OPA1: variants seen among roughly 807,000 people sequenced by gnomAD.
OPA1 encodes dynamin-like GTPase OPA1, mitochondrial.
In OPA1, 59 loss-of-function variants were observed where a neutral mutation model predicts 152.9. The ratio of observed to expected loss-of-function variants is 0.39; its 90% CI spans 0.31 to 0.48. The LOEUF (loss-of-function observed/expected upper bound fraction) is 0.48. OPA1 is among the 20% of genes least tolerant of loss of function. OPA1 has a pLI of 0.96. For synonymous variants in OPA1, 400 were observed against 389.9 expected, an observed-to-expected ratio of 1.03 and a Z score of -0.31; for missense variants, 1,008 against 1,216.8, an observed-to-expected ratio of 0.83 and a Z score of 2.55.
At position 193,626,084 on chromosome 3, in the gene OPA1, C is replaced by A; in HGVS notation, c.679-8C>A. 1 of 1,608,376 alleles carries A rather than the reference C, an allele frequency of 6.2e-7. No individual in the cohort carries two copies. The highest frequency in any genetic ancestry group is 1.1e-5 in the South Asian group (1 of 90,988). On this transcript the variant is annotated splice_region_variant and splice_polypyrimidine_tract_variant and intron_variant, in intron 6 of 30. Transcript: ENST00000361510. ...TTTCCTCTTCTCCTCATTGTGAACTCGTGGCAGGGTCTGCTTGGTGAGCTC... is the reference window on the plus strand; with the variant it reads ...TTTCCTCTTCTCCTCATTGTGAACTAGTGGCAGGGTCTGCTTGGTGAGCTC...
chr3:193,647,224 AT>A, intron 19 of OPA1, 44 bp downstream of exon 19: 1 of 1,239,052 alleles, frequency 8.1e-7, no homozygotes, highest in East Asian at 2.4e-5. Flanking sequence ...AAGACATTTT[AT>A]TAGCTGGCAA....
In OPA1 at chr3:193,644,051, A is replaced by T. The variant is rs764645111; in HGVS notation, c.1554A>T (p.Ile518=). The T allele has an allele frequency of 6.2e-7, 1 of 1,613,908 alleles. No individual in the cohort carries two copies. The highest frequency in any genetic ancestry group is 8.5e-7 in the Non-Finnish European group (1 of 1,179,848). The change falls in exon 16 of 31, where the codon ATA becomes ATT. Residue 518 remains isoleucine (I), a synonymous_variant. Transcript: ENST00000361510. ...TGGACCCTCATGGAAGGAGAACCAT[A>T]TTCGTTTTGACCAAAGTAGACCTGG... ...SQMDPHGRRT[I]FVLTKVDLAE... is the part of the protein sequence containing the mutation.
At chr3:193,661,901 GAAGT>G (rs1434875080) in intron 25 of OPA1, among the ~76,000 whole-genome samples, 2 of 151,992 alleles carry the variant, frequency 1.3e-5, no homozygotes, top group African/African-American at 2.4e-5. Flanking sequence ...TCTTTTTTCT[GAAGT>G]ATTAGTTTTC....
At chr3:193,665,234 A>C (rs1051398002) in intron 27 of OPA1, among the ~76,000 whole-genome samples, 8 of 150,902 alleles carry the variant, frequency 5.3e-5, no homozygotes, top group Non-Finnish European at 1.0e-4. Context: ...TAAATAGTAA[A>C]AAAAAGTGTG....
At chr3:193,626,235 T>C (rs1560346013) in intron 7 of OPA1, 33 bp downstream of exon 7, 1 of 1,452,632 alleles carries the variant, frequency 6.9e-7, no homozygotes, top group Non-Finnish European at 9.7e-7. Flanking sequence ...TACCGATACA[T>C]TCACACTAAT....
intron 29 of OPA1, among the ~76,000 whole-genome samples, chr3:193,679,711 G>A (rs546823485): frequency 1.3e-5 from 2 of 152,124 alleles, no homozygotes; most frequent in East Asian, 1.9e-4. Context: ...TGTGATTTTT[G>A]ATACGTGTTA....
At chr3:193,597,279 T>A (rs979191841) in intron 1 of OPA1, among the ~76,000 whole-genome samples, 3 of 152,046 alleles carry the variant, frequency 2.0e-5, no homozygotes, top group Non-Finnish European at 4.4e-5. Context: ...TTTTCAACAA[T>A]GAGGAGGTGT....
intron 7 of OPA1, among the ~76,000 whole-genome samples, chr3:193,626,415 T>C (rs1310693931): frequency 6.6e-6 from 1 of 152,202 alleles, no homozygotes; most frequent in Non-Finnish European, 1.5e-5. Context: ...AGAGGAATTT[T>C]GGTTTCTGAA....
chr3:193,611,052 C>T (rs1728157771), intron 1 of OPA1, among the ~76,000 whole-genome samples: 1 of 152,226 alleles, frequency 6.6e-6, no homozygotes, highest in Non-Finnish European at 1.5e-5. Context: ...CCTGCACCCA[C>T]TGTCTGACAA....
chr3:193,687,286 A>G (rs866221585), intron 29 of OPA1, among the ~76,000 whole-genome samples: 33 of 152,260 alleles, frequency 2.2e-4, no homozygotes, highest in Admixed American at 5.2e-4. Flanking sequence ...TCATGACTCA[A>G]TCAAGAAGCA....
At chr3:193,675,527 C>T (rs986307821) in intron 29 of OPA1, among the ~76,000 whole-genome samples, 1 of 151,982 alleles carries the variant, frequency 6.6e-6, no homozygotes, top group Non-Finnish European at 1.5e-5. Flanking sequence ...TCTTTTTATG[C>T]ACTTCTCTCA....
intron 16 of OPA1, among the ~76,000 whole-genome samples, chr3:193,644,974 C>T (rs1044668271): frequency 1.3e-5 from 2 of 151,104 alleles, no homozygotes; most frequent in Non-Finnish European, 2.9e-5. Context: ...TGCAAATATG[C>T]ATTTTTCTGG....
Position 193,626,085 on chromosome 3 carries a change from G to C in OPA1, c.679-7G>C, listed in dbSNP as rs373326620. The C allele has an allele frequency of 7.5e-6, 12 of 1,609,570 alleles. No homozygotes were observed. The highest frequency in any genetic ancestry group is 1.0e-5 in the Non-Finnish European group (12 of 1,176,134). On this transcript the variant is annotated splice_region_variant and splice_polypyrimidine_tract_variant and intron_variant, in intron 6 of 30. Coordinates refer to ENST00000361510, the MANE Select transcript of OPA1 (RefSeq NM_130837.3). Reference sequence around the variant, plus strand: ...TTCCTCTTCTCCTCATTGTGAACTCGTGGCAGGGTCTGCTTGGTGAGCTCA... The same window carrying C: ...TTCCTCTTCTCCTCATTGTGAACTCCTGGCAGGGTCTGCTTGGTGAGCTCA...
chr3:193,659,185 C>T (rs1237393531), intron 24 of OPA1, among the ~76,000 whole-genome samples, 190 bp downstream of exon 24: 1 of 152,134 alleles, frequency 6.6e-6, no homozygotes, highest in Admixed American at 6.5e-5. Flanking sequence ...ATAAAATGGA[C>T]ACATGATGCT....
intron 29 of OPA1, among the ~76,000 whole-genome samples, chr3:193,689,565 G>C (rs1721394534): frequency 6.6e-6 from 1 of 152,042 alleles, no homozygotes; most frequent in African/African-American, 2.4e-5. Context: ...GACCTTACAG[G>C]GTGAGACACC....
intron 1 of OPA1, among the ~76,000 whole-genome samples, chr3:193,595,729 G>A (rs1046764655): frequency 1.3e-5 from 2 of 152,010 alleles, no homozygotes; most frequent in African/African-American, 4.8e-5. Context: ...GGCACACTCA[G>A]TGGGCCTTTC....
intron 11 of OPA1, among the ~76,000 whole-genome samples, chr3:193,641,501 T>C (rs1733778670): frequency 6.6e-6 from 1 of 152,142 alleles, no homozygotes; most frequent in African/African-American, 2.4e-5. Flanking sequence ...TCATTTTTCT[T>C]TGGGATTGTG....
intron 1 of OPA1, among the ~76,000 whole-genome samples, chr3:193,594,692 T>G (rs1725234338): frequency 6.6e-6 from 1 of 152,170 alleles, no homozygotes; most frequent in South Asian, 2.1e-4. Context: ...CCGGCCCAAT[T>G]TGTTTTATAT....
chr3:193,628,158 A>G (rs1208951472), intron 7 of OPA1, among the ~76,000 whole-genome samples: 1 of 152,126 alleles, frequency 6.6e-6, no homozygotes, highest in Non-Finnish European at 1.5e-5. Flanking sequence ...GGTTTACTTG[A>G]TGCATAAAAC....
Sources: allele counts gnomAD v4.1 joint callset (sites outside exome capture counted in the v4.1 genomes callset), GRCh38; gene constraint gnomAD v4.1.1; transcripts MANE v1.5; gene names NCBI Gene and HGNC (gene_info 2026-07-23, HGNC 2026-07-21).